Variants in POLB observed in about 807,000 individuals in gnomAD.
POLB encodes the protein 5'-dRP lyase.
Under a neutral mutation model 52.7 loss-of-function variants are expected in POLB, and 37 were observed. The observed-to-expected ratio is 0.70, with a 90% CI of 0.54 to 0.92. The LOEUF is 0.92. Among genes scored for constraint, POLB ranks in the 40% least tolerant of loss-of-function variants. The probability of loss-of-function intolerance (pLI) is 0.00; values close to 1 mark genes in which losing one functional copy is unlikely to be tolerated. For synonymous variants in POLB, 138 were observed against 131.3 expected (o/e 1.05, Z -0.35); for missense variants, 313 against 400.8 (o/e 0.78, Z 1.87).
intron 9 of POLB, among the ~76,000 whole-genome samples, chr8:42,359,197 A>G (rs1468344477): frequency 6.6e-6 from 1 of 152,138 alleles, no homozygotes; most frequent in Non-Finnish European, 1.5e-5. Context: ...ACGTTTCTTC[A>G]TGAAAATACA....
At chr8:42,338,719 C>T (rs1417013414) in intron 1 of POLB, 34 bp downstream of exon 1, 20 of 1,598,334 alleles carry the variant, frequency 1.3e-5, no homozygotes, top group Middle Eastern at 3.3e-4. Flanking sequence ...TGGCTTTCTT[C>T]TTTCCTTCCA....
chr8:42,347,959 C>T (rs900346685), intron 3 of POLB, among the ~76,000 whole-genome samples: 2 of 152,022 alleles, frequency 1.3e-5, no homozygotes, highest in African/African-American at 4.8e-5. Flanking sequence ...TTTCAATACA[C>T]ATGAAAAAAA....
intron 11 of POLB, among the ~76,000 whole-genome samples, chr8:42,365,529 G>C (rs1449658145): frequency 6.6e-6 from 1 of 152,156 alleles, no homozygotes; most frequent in Admixed American, 6.5e-5. Context: ...TAGACAAGTT[G>C]GATGTTGTGC....
intron 11 of POLB, among the ~76,000 whole-genome samples, chr8:42,363,925 TC>T (rs930747182): frequency 1.5e-5 from 2 of 131,634 alleles, no homozygotes; most frequent in African/African-American, 7.3e-5. Flanking sequence ...GAATTACGAT[TC>T]TTTTTTTTTT....
chr8:42,362,526 C>G, intron 10 of POLB, 86 bp from the exon 11 acceptor site: 1 of 837,468 alleles, frequency 1.2e-6, no homozygotes, highest in South Asian at 1.5e-5. Flanking sequence ...TATAGCAAGA[C>G]TGTGTCTCTA....
At chr8:42,356,996 C>G (rs940371448) in intron 7 of POLB, among the ~76,000 whole-genome samples, 173 bp from the exon 8 acceptor site, 2 of 151,998 alleles carry the variant, frequency 1.3e-5, no homozygotes, top group Non-Finnish European at 2.9e-5. Flanking sequence ...AAACCTCCCC[C>G]CATTCACTCC....
chr8:42,347,648 T>C (rs1585878367), intron 3 of POLB, among the ~76,000 whole-genome samples: 1 of 152,208 alleles, frequency 6.6e-6, no homozygotes, highest in East Asian at 1.9e-4. Flanking sequence ...AGTAAAATTA[T>C]TGTAGCACTA....
intron 2 of POLB, chr8:42,342,119 G>A: frequency 7.7e-7 from 1 of 1,298,116 alleles, no homozygotes; most frequent in East Asian, 2.3e-5. Flanking sequence ...GAATCATTTG[G>A]TACTTTGAGG....
intron 2 of POLB, among the ~76,000 whole-genome samples, chr8:42,344,346 A>G (rs1389147114): frequency 4.0e-5 from 6 of 151,582 alleles, no homozygotes; most frequent in Admixed American, 2.6e-4. Context: ...GCGGGTACCT[A>G]TAATCCCAGC....
Position 42,352,536 on chromosome 8 carries a change from A to G in POLB, c.338A>G (p.Lys113Arg). The stretch of plus-strand genomic sequence containing the variant: ...TTTTGTAGTCCATCTGCTGCAAGGA[A>G]GTTTGTAGATGAAGGAATTAAAACA... ...VSGIGPSAAR[K>R]FVDEGIKTLE... Residue 113 changes from lysine to arginine, a missense_variant, in exon 6 of 14, where the codon AAG becomes AGG. Physicochemically the swap from Lys to Arg is conservative, Grantham distance 26. This residue lies in a region of POLB where 246 missense variants were observed against 297.6 expected (regional missense o/e 0.83). Coordinates refer to ENST00000265421, the MANE Select transcript of POLB (RefSeq NM_002690.3). 1.2e-6 allele frequency: 2 copies of G among 1,602,836 alleles called. No homozygotes were observed. Among genetic ancestry groups the G allele is most frequent in the Non-Finnish European group, 1.7e-6 (2 of 1,169,736 alleles).
At chr8:42,361,078 T>G (rs751630830) in intron 9 of POLB, 5 of 682,174 alleles carry the variant, frequency 7.3e-6, no homozygotes, top group Non-Finnish European at 1.3e-5. Context: ...CTAATGCCAA[T>G]TACTGTTGTC....
chr8:42,369,787 C>G, intron 12 of POLB, 62 bp from the exon 13 acceptor site: 2 of 1,101,920 alleles, frequency 1.8e-6, no homozygotes, highest in South Asian at 1.5e-5. Context: ...TTTTAGGAGT[C>G]CTATATTTGC....
chr8:42,348,176 T>C (rs1822752054), intron 3 of POLB, among the ~76,000 whole-genome samples: 1 of 152,186 alleles, frequency 6.6e-6, no homozygotes, highest in Non-Finnish European at 1.5e-5. Context: ...GTATGTTTCC[T>C]AAGGAAGGTA....
intron 10 of POLB, chr8:42,361,706 A>G (rs1022594667): frequency 3.7e-5 from 7 of 186,912 alleles, no homozygotes; most frequent in South Asian, 1.2e-4. Context: ...GAAACCTTCT[A>G]TTAGAAAACC....
intron 9 of POLB, among the ~76,000 whole-genome samples, chr8:42,359,861 G>A (rs1454553289): frequency 1.3e-5 from 2 of 151,912 alleles, no homozygotes; most frequent in South Asian, 4.2e-4. Flanking sequence ...CTTTTAGGAG[G>A]AGGAAATGAG....
intron 2 of POLB, chr8:42,342,638 G>A: frequency 1.6e-6 from 1 of 623,220 alleles, no homozygotes; most frequent in South Asian, 1.8e-5. Context: ...AGTCCATCCT[G>A]TGGAACAGAG....
At chr8:42,355,115 T>C (rs1823223357) in intron 6 of POLB, among the ~76,000 whole-genome samples, 1 of 151,662 alleles carries the variant, frequency 6.6e-6, no homozygotes, top group Admixed American at 6.6e-5. Context: ...CTCGGCTCAC[T>C]GCAGCTTCCA....
chr8:42,361,262 G>C (rs777169828), intron 9 of POLB, 33 bp from the exon 10 acceptor site: 1 of 1,517,452 alleles, frequency 6.6e-7, no homozygotes, highest in South Asian at 1.1e-5. Context: ...ACATTTACAT[G>C]GACAATCTCA....
At chr8:42,365,838 G>T (rs1585917447) in intron 11 of POLB, among the ~76,000 whole-genome samples, 1 of 152,154 alleles carries the variant, frequency 6.6e-6, no homozygotes, top group East Asian at 1.9e-4. Context: ...GGTGGCTCAC[G>T]CCTGTAATCC....
Sources: allele counts gnomAD v4.1 joint callset (sites outside exome capture counted in the v4.1 genomes callset), GRCh38; gene constraint gnomAD v4.1.1; regional missense constraint gnomAD v4.1.1; transcripts MANE v1.5; gene names NCBI Gene and HGNC (gene_info 2026-07-23, HGNC 2026-07-21).